The following HSD17B12 variants were observed in gnomAD, a reference collection of about 807,000 sequenced individuals.
HSD17B12 encodes hydroxysteroid 17-beta dehydrogenase 12, also known as very-long-chain 3-oxoacyl-CoA reductase.
HSD17B12 carries 32 observed loss-of-function variants against 39.3 expected under a neutral mutation model. The ratio of observed to expected loss-of-function variants is 0.81; its 90% confidence interval spans 0.61 to 1.09. HSD17B12 has a LOEUF of 1.09. Ranked by LOEUF, HSD17B12 falls within the 50% of genes least tolerant of loss-of-function variation. The probability of loss-of-function intolerance (pLI) is 0.00; values close to 1 mark genes in which losing one functional copy is unlikely to be tolerated. For missense variants in HSD17B12, 342 were observed against 382.9 expected, an observed-to-expected ratio of 0.89 and a Z score of 0.89; for synonymous variants, 150 against 146.7, an observed-to-expected ratio of 1.02 and a Z score of -0.16.
intron 6 of HSD17B12, among the ~76,000 whole-genome samples, chr11:43,818,418 C>A (rs1951150747): frequency 6.6e-6 from 1 of 152,138 alleles, no homozygotes; most frequent in Non-Finnish European, 1.5e-5. Flanking sequence ...CATCTCAACA[C>A]CATTTTTTCT....
chr11:43,611,471 C>T, the HSD17B12 span, among the ~76,000 whole-genome samples: 51 of 152,302 alleles, frequency 3.3e-4, no homozygotes, highest in African/African-American at 1.2e-3. Context: ...TAGCAGCAGA[C>T]ATTAATTTGT....
chr11:43,658,507 T>C, the HSD17B12 span, among the ~76,000 whole-genome samples: 1 of 152,220 alleles, frequency 6.6e-6, no homozygotes, highest in African/African-American at 2.4e-5. Context: ...CTCTGTTTTT[T>C]CCCCATCTTT....
At chr11:43,780,504 A>T (rs1950754707) in intron 3 of HSD17B12, among the ~76,000 whole-genome samples, 1 of 152,084 alleles carries the variant, frequency 6.6e-6, no homozygotes, top group South Asian at 2.1e-4. Flanking sequence ...TATGTTACAT[A>T]TGTAATGTAT....
At chr11:43,665,373 C>T in the HSD17B12 span, among the ~76,000 whole-genome samples, 1 of 152,296 alleles carries the variant, frequency 6.6e-6, no homozygotes, top group South Asian at 2.1e-4. Flanking sequence ...CATGCGCCAC[C>T]ATGCCCAGCT....
At chr11:43,758,043 C>G (rs962732490) in intron 3 of HSD17B12, among the ~76,000 whole-genome samples, 2 of 152,050 alleles carry the variant, frequency 1.3e-5, no homozygotes, top group African/African-American at 4.8e-5. Flanking sequence ...AATTTATGGC[C>G]CCCCAGTCTC....
intron 9 of HSD17B12, among the ~76,000 whole-genome samples, chr11:43,850,350 A>T (rs1951518602): frequency 6.6e-6 from 1 of 152,142 alleles, no homozygotes; most frequent in Non-Finnish European, 1.5e-5. Flanking sequence ...GAGTTTTCCT[A>T]ATATTCTTCA....
chr11:43,804,275 A>C (rs1950998488), intron 4 of HSD17B12, among the ~76,000 whole-genome samples: 1 of 152,196 alleles, frequency 6.6e-6, no homozygotes, highest in South Asian at 2.1e-4. Context: ...CTCTGTCCAT[A>C]GTGTTGATGG....
intron 1 of HSD17B12, among the ~76,000 whole-genome samples, chr11:43,731,600 C>T (rs1253630853): frequency 2.0e-5 from 3 of 152,058 alleles, no homozygotes; most frequent in Non-Finnish European, 4.4e-5. Context: ...TCATAAATTT[C>T]GAAAGGAGAG....
chr11:43,619,172 T>TATC, the HSD17B12 span, among the ~76,000 whole-genome samples: 1,408 of 78,828 alleles, frequency 0.018, 34 homozygotes, highest in African/African-American at 0.05. Flanking sequence ...ATGATATATA[T>TATC]ATATATATAA....
At chr11:43,638,177 G>C in the HSD17B12 span, among the ~76,000 whole-genome samples, 1 of 152,190 alleles carries the variant, frequency 6.6e-6, no homozygotes. Flanking sequence ...CATATAGAAT[G>C]TTCGTGCTAA....
chr11:43,796,992 C>T (rs1272464216), intron 3 of HSD17B12, among the ~76,000 whole-genome samples: 1 of 152,156 alleles, frequency 6.6e-6, no homozygotes, highest in African/African-American at 2.4e-5. Context: ...TACATGAGCA[C>T]ACCTATAACT....
chr11:43,595,799 T>C, the HSD17B12 span, among the ~76,000 whole-genome samples: 1 of 152,186 alleles, frequency 6.6e-6, no homozygotes. Flanking sequence ...CTCCCCATTG[T>C]ACATGAAAAC....
intron 1 of HSD17B12, among the ~76,000 whole-genome samples, chr11:43,746,886 T>C (rs1206647514): frequency 6.6e-6 from 1 of 152,230 alleles, no homozygotes; most frequent in East Asian, 1.9e-4. Flanking sequence ...GGACCAGAGC[T>C]GTATATGTGG....
intron 3 of HSD17B12, among the ~76,000 whole-genome samples, chr11:43,786,074 A>T (rs1241720313): frequency 6.6e-6 from 1 of 152,204 alleles, no homozygotes; most frequent in Non-Finnish European, 1.5e-5. Context: ...TCTTGAAGTG[A>T]CAAACTAACC....
rs1342468654 is a variant in HSD17B12, at chr11:43,776,544, G to A, written c.284-21776G>A. Among the ~76,000 whole-genome samples, 343 of 151,904 alleles carry A rather than the reference G, an allele frequency of 2.3e-3. 1 individual carries two copies. The highest frequency in any genetic ancestry group is 7.8e-3 in the African/African-American group (322 of 41,440). ...GAGTATGTTGCGAAAATTTTCTCCC[G>A]TTTTGTAGGTTGCCTGTTCACTCTG... On this transcript the variant is annotated intron_variant, in intron 3 of 10. Coordinates refer to ENST00000278353, the MANE Select transcript of HSD17B12 (RefSeq NM_016142.3).
At chr11:43,678,812 G>T (rs1303437365), upstream of HSD17B12, among the ~76,000 whole-genome samples, 1 of 152,200 alleles carries the variant, frequency 6.6e-6, no homozygotes, top group African/African-American at 2.4e-5. Flanking sequence ...TTTGGTGCCA[G>T]TACCATGCTG....
chr11:43,613,284 C>T, the HSD17B12 span, among the ~76,000 whole-genome samples: 3 of 151,698 alleles, frequency 2.0e-5, no homozygotes, highest in Non-Finnish European at 4.4e-5. Flanking sequence ...CTCAGCTACT[C>T]GGGAGGCTGA....
chr11:43,703,917 A>T (rs1949990537), intron 1 of HSD17B12, among the ~76,000 whole-genome samples: 1 of 148,510 alleles, frequency 6.7e-6, no homozygotes, highest in Non-Finnish European at 1.5e-5. Flanking sequence ...TTCTGCTCTG[A>T]TCCTTATTTT....
intron 4 of HSD17B12, among the ~76,000 whole-genome samples, chr11:43,809,674 G>A (rs779335738): frequency 1.3e-5 from 2 of 152,016 alleles, no homozygotes; most frequent in Non-Finnish European, 2.9e-5. Flanking sequence ...CAAAAAATTA[G>A]CCGGTCGTGG....
Sources: allele counts gnomAD v4.1 joint callset (sites outside exome capture counted in the v4.1 genomes callset), GRCh38; gene constraint gnomAD v4.1.1; transcripts MANE v1.5; gene names NCBI Gene and HGNC (gene_info 2026-07-23, HGNC 2026-07-21).